IMPDH2: variants seen among roughly 807,000 people sequenced by gnomAD.
The protein encoded by IMPDH2 is inosine-5'-monophosphate dehydrogenase 2.
A neutral mutation model predicts 57.8 loss-of-function variants in IMPDH2; 33 were observed. The ratio of observed to expected loss-of-function variants is 0.57; its 90% CI spans 0.43 to 0.76. The LOEUF (loss-of-function observed/expected upper bound fraction) is 0.76, where lower values mean the gene tolerates loss of function less well. IMPDH2 is among the 30% of genes least tolerant of loss of function. IMPDH2 has a pLI of 0.00. For missense variants in IMPDH2, 446 were observed against 659.1 expected (o/e 0.68, Z 3.54); for synonymous variants, 270 against 241.3 (o/e 1.12, Z -1.10).
In IMPDH2 at chr3:49,028,230, G is replaced by T; in HGVS notation, c.324+18C>A. 1 of 1,597,706 alleles carries T rather than the reference G, an allele frequency of 6.3e-7. No individual in the cohort carries two copies. The highest frequency in any genetic ancestry group is 8.6e-7 in the Non-Finnish European group (1 of 1,165,028). Reference sequence around the variant, plus strand: ...GCAATTCCCAGGAGCGCTTGCTAATGATCGTTGCCCTTCTGACCTTCACTT... The same window carrying T: ...GCAATTCCCAGGAGCGCTTGCTAATTATCGTTGCCCTTCTGACCTTCACTT... On this transcript the variant is annotated intron_variant, in intron 4 of 13. Transcript: ENST00000326739.
Position 49,024,551 on chromosome 3 carries a change from C to T in IMPDH2, c.1467G>A (p.Lys489=), listed in dbSNP as rs1575307748. The T allele has an allele frequency of 6.2e-7, 1 of 1,614,206 alleles. No homozygotes were observed. The highest frequency in any genetic ancestry group is 8.5e-7 in the Non-Finnish European group (1 of 1,180,044). ...GGGCTGAGGACGTTCTCTTCTCAAACTTAAGCTCCCCAGAGTACATCATGG... is the reference window on the plus strand; with the variant it reads ...GGGCTGAGGACGTTCTCTTCTCAAATTTAAGCTCCCCAGAGTACATCATGG... ...VRAMMYSGEL[K]FEKRTSSAQV... is the part of the protein sequence containing the mutation. The change falls in exon 13 of 14, where the codon AAG becomes AAA. Residue 489 remains lysine, a synonymous_variant. Coordinates refer to ENST00000326739, the MANE Select transcript of IMPDH2 (RefSeq NM_000884.3).
At position 49,028,813 on chromosome 3, in the gene IMPDH2, GGGAA is replaced by G. The variant is rs1458100329; in HGVS notation, c.99-11_99-8del. The G allele has an allele frequency of 1.2e-6, 2 of 1,612,436 alleles. No homozygotes were observed. Among genetic ancestry groups the G allele is most frequent in the Non-Finnish European group, 1.7e-6 (2 of 1,178,588 alleles). On this transcript the variant is annotated splice_region_variant and splice_polypyrimidine_tract_variant and intron_variant, in intron 1 of 13. Coordinates refer to ENST00000326739, the MANE Select transcript of IMPDH2 (RefSeq NM_000884.3). ...AGGGAGAATGAGAAAGTCACTGCGA[GGGAA>G]GGGAGTGAATTGGGAGTAAAGCTCT... is the stretch of plus-strand genomic sequence containing the variant.
chr3:49,026,547 G>A lies in IMPDH2; in HGVS notation c.882C>T (p.Tyr294=), dbSNP rs755496646. 6.2e-7 allele frequency: 1 copy of A among 1,613,760 alleles called. No homozygotes were observed. Among genetic ancestry groups the A allele is most frequent in the Non-Finnish European group, 8.5e-7 (1 of 1,179,620 alleles). ...INMIKYIKDK[Y]PNLQVIGGNV... The stretch of plus-strand genomic sequence containing the variant: ...TGCCTCCAATGACTTGGAGATTAGG[G>A]TATTTGTCTTTGATGTACTTGATCA... The change falls in exon 8 of 14, where the codon TAC becomes TAT. Residue 294 remains tyrosine (Y), a synonymous_variant. Coordinates refer to ENST00000326739, the MANE Select transcript of IMPDH2 (RefSeq NM_000884.3).
chr3:49,025,972 C>G (rs927272307), intron 9 of IMPDH2: 3 of 469,746 alleles, frequency 6.4e-6, no homozygotes, highest in African/African-American at 5.9e-5. Flanking sequence ...CTGGGCCGGG[C>G]CAGTGGGCCG....
chr3:49,028,560 G>A (rs2093209791), intron 2 of IMPDH2, 28 bp from the exon 3 acceptor site: 1 of 1,571,244 alleles, frequency 6.4e-7, no homozygotes, highest in South Asian at 1.1e-5. Context: ...AACCAGTGTG[G>A]GAAAGCATCC....
At chr3:49,028,100 T>C (rs925119976) in intron 4 of IMPDH2, 148 bp downstream of exon 4, 1 of 810,042 alleles carries the variant, frequency 1.2e-6, no homozygotes, top group African/African-American at 1.7e-5. Flanking sequence ...TGCTGCTGCT[T>C]TAAGAAACAG....
chr3:49,025,577 A>G (rs1220975741), intron 9 of IMPDH2, among the ~76,000 whole-genome samples: 1 of 152,208 alleles, frequency 6.6e-6, no homozygotes, highest in Non-Finnish European at 1.5e-5. Flanking sequence ...GGCAGGAGTC[A>G]CCGTGCAGTT....
intron 8 of IMPDH2, 43 bp downstream of exon 8, chr3:49,026,476 C>T (rs1477358311): frequency 6.3e-7 from 1 of 1,589,130 alleles, no homozygotes; most frequent in Non-Finnish European, 8.6e-7. Flanking sequence ...GCCCAGCTTA[C>T]CCACTCCCAC....
rs201681745 is a variant in IMPDH2 at position 49,024,511 on chromosome 3, C to T, written c.1507G>A (p.Val503Ile). ...RTSSAQVEGG[V>I]HSLHSYEKRL... ...GTGACTTACGAATGGAGGCTATGGA[C>T]GCCACCTTCCACCTGGGCTGAGGAC... Residue 503 changes from valine to isoleucine, a missense_variant, in exon 13 of 14, where the codon GTC (valine) becomes ATC (isoleucine). Val to Ile is a conservative substitution (Grantham distance 29). Transcript: ENST00000326739. 21 of 1,614,164 alleles carry T rather than the reference C, an allele frequency of 1.3e-5. No individual in the cohort carries two copies. Among genetic ancestry groups the T allele is most frequent in the East Asian group, 2.2e-5 (1 of 44,874 alleles).
chr3:49,027,872 G>C lies in IMPDH2; in HGVS notation c.369C>G (p.Pro123=). 1 of 1,614,180 alleles carries C rather than the reference G, an allele frequency of 6.2e-7. No individual in the cohort carries two copies. Among genetic ancestry groups the C allele is most frequent in the South Asian group, 1.1e-5 (1 of 91,084 alleles). The change falls in exon 5 of 14, where the codon CCC becomes CCG. Residue 123 remains proline, a synonymous_variant. Transcript: ENST00000326739. ...CAAAAACATCCCGCACGCGATCCTTGGGGCTGAGGACCACAGGGTCTGTGA... is the reference window on the plus strand; with the variant it reads ...CAAAAACATCCCGCACGCGATCCTTCGGGCTGAGGACCACAGGGTCTGTGA... ...GFITDPVVLS[P]KDRVRDVFEA...
chr3:49,025,144 C>A lies in IMPDH2; in HGVS notation c.1132G>T (p.Ala378Ser). Reference sequence around the variant, plus strand: ...GCCTCACCTGTGGAGGCCCCAAGGGCCAAGGCTTTCGCAATATGACCCACA... The same window carrying A: ...GCCTCACCTGTGGAGGCCCCAAGGGACAAGGCTTTCGCAATATGACCCACA... ...QNVGHIAKAL[A>S]LGASTVMMGS... Residue 378 changes from alanine (A) to serine (S), a missense_variant, in exon 10 of 14, where the codon GCC (alanine) becomes TCC (serine). Physicochemically the swap from Ala to Ser is moderately conservative, Grantham distance 99 (BLOSUM62 1). Transcript: ENST00000326739. 1 of 1,614,168 alleles carries A rather than the reference C, an allele frequency of 6.2e-7. No individual in the cohort carries two copies. The highest frequency in any genetic ancestry group is 8.5e-7 in the Non-Finnish European group (1 of 1,180,002).
In IMPDH2 at chr3:49,028,066, G is replaced by A. The variant is rs2093206944; in HGVS notation, c.325-150C>T. On this transcript the variant is annotated intron_variant, in intron 4 of 13. Transcript: ENST00000326739. Reference sequence around the variant, plus strand: ...CACATCTTAGAGACATGGGTAGGCTGGAGGCACTGTACACCTGGTCTATTG... The same window carrying A: ...CACATCTTAGAGACATGGGTAGGCTAGAGGCACTGTACACCTGGTCTATTG... 5 of 786,284 alleles carry A rather than the reference G, an allele frequency of 6.4e-6. No individual in the cohort carries two copies. In the Admixed American group the frequency reaches 1.1e-4, roughly 17 times the overall value. 48.7% of individuals were successfully genotyped at this position (786,284 alleles called of 1,614,324 possible).
chr3:49,026,901 G>A lies in IMPDH2; in HGVS notation c.620-15C>T, dbSNP rs764633847. 5 of 1,614,114 alleles carry A rather than the reference G, an allele frequency of 3.1e-6. No individual in the cohort carries two copies. The highest frequency in any genetic ancestry group is 8.5e-7 in the Non-Finnish European group (1 of 1,179,944). ...GGGCAACTTTCCTGTGGTCAGGGCAGGACATGAATCAGGACCCTAGGCATT... is the reference window on the plus strand; with the variant it reads ...GGGCAACTTTCCTGTGGTCAGGGCAAGACATGAATCAGGACCCTAGGCATT... On this transcript the variant is annotated splice_polypyrimidine_tract_variant and intron_variant, in intron 6 of 13. Transcript: ENST00000326739.
chr3:49,027,084 TC>T, intron 5 of IMPDH2, 37 bp from the exon 6 acceptor site: 1 of 1,459,422 alleles, frequency 6.9e-7, no homozygotes, highest in Non-Finnish European at 9.6e-7. Flanking sequence ...GGGCCAGTCA[TC>T]GACTATGACC....
intron 5 of IMPDH2, among the ~76,000 whole-genome samples, chr3:49,027,336 C>T (rs556711980): frequency 6.8e-4 from 103 of 152,208 alleles, no homozygotes; most frequent in Admixed American, 4.0e-3. Context: ...CTCAAGGGAT[C>T]CCAATAATTC....
intron 9 of IMPDH2, 187 bp downstream of exon 9, chr3:49,026,137 G>T: frequency 1.5e-6 from 1 of 689,300 alleles, no homozygotes; most frequent in Non-Finnish European, 2.7e-6. Context: ...GCTAGGCAAG[G>T]GAGTGGCAGG....
In IMPDH2 at chr3:49,029,323, T is replaced by C. The variant is rs1449540608; in HGVS notation, c.28A>G (p.Thr10Ala). 1 of 1,604,634 alleles carries C rather than the reference T, an allele frequency of 6.2e-7. No homozygotes were observed. The highest frequency in any genetic ancestry group is 8.5e-7 in the Non-Finnish European group (1 of 1,175,906). Reference sequence around the variant, plus strand: ...AGTCCGTCGTCTGGCACGTAGGACGTGCCCCCACTAATCAGGTAGTCGGCC... The same window carrying C: ...AGTCCGTCGTCTGGCACGTAGGACGCGCCCCCACTAATCAGGTAGTCGGCC... MADYLISGG[T>A]SYVPDDGLTA... Residue 10 changes from threonine (T) to alanine (A), a missense_variant, in exon 1 of 14, where the codon ACG (threonine) becomes GCG (alanine). Coordinates refer to ENST00000326739, the MANE Select transcript of IMPDH2 (RefSeq NM_000884.3).
chr3:49,026,627 T>C lies in IMPDH2; in HGVS notation c.820-18A>G. 1 of 1,612,216 alleles carries C rather than the reference T, an allele frequency of 6.2e-7. No homozygotes were observed. The highest frequency in any genetic ancestry group is 8.5e-7 in the Non-Finnish European group (1 of 1,178,252). On this transcript the variant is annotated intron_variant, in intron 7 of 13. Coordinates refer to ENST00000326739, the MANE Select transcript of IMPDH2 (RefSeq NM_000884.3). ...GAAGAGTCCTAGGACAAGAAGTAAG[T>C]CTCAGACTGTGATGTGGCAGCTGCC...
Position 49,024,818 on chromosome 3 carries a change from G to T in IMPDH2, c.1296-16C>A. 1 of 1,614,188 alleles carries T rather than the reference G, an allele frequency of 6.2e-7. No homozygotes were observed. The highest frequency in any genetic ancestry group is 1.1e-5 in the South Asian group (1 of 91,084). Reference sequence around the variant, plus strand: ...GTCAGCTTCACTGCAGGGAGAGGCAGAGACACGGGCAAGGTCACAGCAGAG... The same window carrying T: ...GTCAGCTTCACTGCAGGGAGAGGCATAGACACGGGCAAGGTCACAGCAGAG... On this transcript the variant is annotated splice_polypyrimidine_tract_variant and intron_variant, in intron 11 of 13. Transcript: ENST00000326739.
Sources: allele counts gnomAD v4.1 joint callset (sites outside exome capture counted in the v4.1 genomes callset), GRCh38; gene constraint gnomAD v4.1.1; transcripts MANE v1.5; gene names NCBI Gene and HGNC (gene_info 2026-07-23, HGNC 2026-07-21).